The following GPC6 variants were observed in gnomAD, a reference collection of about 807,000 sequenced individuals.
GPC6 encodes the protein glypican-6.
In GPC6, 14 loss-of-function variants were observed where a neutral mutation model predicts 55.2. The ratio of observed to expected loss-of-function variants is 0.25; its 90% confidence interval spans 0.17 to 0.40. The LOEUF (loss-of-function observed/expected upper bound fraction) is 0.40, where lower values mean the gene tolerates loss of function less well. Among genes scored for constraint, GPC6 ranks in the 10% least tolerant of loss-of-function variants. The pLI is 1.00. For missense variants in GPC6, 641 were observed against 708.5 expected, an observed-to-expected ratio of 0.90 and a Z score of 1.08; for synonymous variants, 278 against 259.6, an observed-to-expected ratio of 1.07 and a Z score of -0.68.
In GPC6 at chr13:94,090,179, G is replaced by A. The variant is rs533550480; in HGVS notation, c.877+62285G>A. 2.2e-3 allele frequency among the ~76,000 whole-genome samples: 335 copies of A among 152,210 alleles called. 1 individual carries two copies. The highest frequency in any genetic ancestry group is 3.3e-3 in the Non-Finnish European group (223 of 68,006). Reference sequence around the variant, plus strand: ...GGAGCAAAGGCATGTCTTACATAGTGGCAGGCAAGAGAATGTGTGCAGGGG... The same window carrying A: ...GGAGCAAAGGCATGTCTTACATAGTAGCAGGCAAGAGAATGTGTGCAGGGG... On this transcript the variant is annotated intron_variant, in intron 4 of 8. Coordinates refer to ENST00000377047, the MANE Select transcript of GPC6 (RefSeq NM_005708.5).
intron 4 of GPC6, among the ~76,000 whole-genome samples, chr13:94,214,719 A>G (rs1159713322): frequency 2.6e-5 from 4 of 152,210 alleles, no homozygotes; most frequent in Non-Finnish European, 4.4e-5. Context: ...TTGAATATAT[A>G]AACAACCACT....
chr13:94,081,119 G>T (rs1338732665), intron 4 of GPC6, among the ~76,000 whole-genome samples: 1 of 152,080 alleles, frequency 6.6e-6, no homozygotes, highest in Non-Finnish European at 1.5e-5. Context: ...TCAAGCAATA[G>T]GCTTATCACC....
chr13:93,362,380 A>G (rs1299561294), intron 1 of GPC6, among the ~76,000 whole-genome samples: 1 of 152,158 alleles, frequency 6.6e-6, no homozygotes, highest in Non-Finnish European at 1.5e-5. Flanking sequence ...ATTAGTACCC[A>G]TAAAGACATT....
chr13:93,419,390 G>C (rs1459446782), intron 1 of GPC6, among the ~76,000 whole-genome samples: 1 of 151,646 alleles, frequency 6.6e-6, no homozygotes, highest in Non-Finnish European at 1.5e-5. Flanking sequence ...TCCTTATATC[G>C]GTAATGTTTG....
chr13:94,028,532 C>T (rs1049772583), intron 4 of GPC6, among the ~76,000 whole-genome samples: 2 of 151,444 alleles, frequency 1.3e-5, no homozygotes, highest in Admixed American at 6.6e-5. Flanking sequence ...GTCCACTGTA[C>T]TATTTCTTTT....
intron 3 of GPC6, among the ~76,000 whole-genome samples, chr13:93,899,630 G>A (rs1052628747): frequency 4.6e-5 from 7 of 152,004 alleles, no homozygotes; most frequent in African/African-American, 1.7e-4. Flanking sequence ...TTTGGAAAGG[G>A]AAATGGTTGG....
chr13:93,372,302 T>C (rs1874692598), intron 1 of GPC6, among the ~76,000 whole-genome samples: 1 of 116,034 alleles, frequency 8.6e-6, no homozygotes, highest in Non-Finnish European at 1.9e-5. Context: ...AGATGGCTTA[T>C]TGGCTATGAG....
At chr13:93,273,627 C>T (rs1231947859) in intron 1 of GPC6, among the ~76,000 whole-genome samples, 1 of 152,014 alleles carries the variant, frequency 6.6e-6, no homozygotes, top group Non-Finnish European at 1.5e-5. Flanking sequence ...CACTGCACTC[C>T]AGCCTGGGCG....
chr13:94,076,475 C>G (rs978949874), intron 4 of GPC6, among the ~76,000 whole-genome samples: 3 of 151,912 alleles, frequency 2.0e-5, no homozygotes, highest in Non-Finnish European at 2.9e-5. Context: ...TGCACAGGAA[C>G]TTTTAGTTTG....
chr13:94,182,209 T>C (rs893762374), intron 4 of GPC6, among the ~76,000 whole-genome samples: 6 of 152,134 alleles, frequency 3.9e-5, no homozygotes, highest in African/African-American at 7.2e-5. Context: ...AGATTTTTTT[T>C]TTTTTAAAGA....
intron 7 of GPC6, among the ~76,000 whole-genome samples, chr13:94,387,783 C>CAAG (rs3044334): frequency 0.67 from 101,245 of 150,266 alleles, 34,772 homozygotes; most frequent in African/African-American, 0.8. Flanking sequence ...GAGGACACAA[C>CAAG]AAGGCAGCCA....
chr13:94,114,383 A>G (rs1359151165), intron 4 of GPC6, among the ~76,000 whole-genome samples: 1 of 152,120 alleles, frequency 6.6e-6, no homozygotes, highest in Non-Finnish European at 1.5e-5. Flanking sequence ...ATTTGGTCAG[A>G]CTGGTAGGAG....
At chr13:93,476,674 A>G (rs1478507319) in intron 1 of GPC6, among the ~76,000 whole-genome samples, 2 of 152,042 alleles carry the variant, frequency 1.3e-5, no homozygotes, top group Non-Finnish European at 2.9e-5. Flanking sequence ...AGTAGAAGTA[A>G]TTTTTCAAGG....
At chr13:93,231,346 C>CATATATATACGT (rs1876011278) in intron 1 of GPC6, among the ~76,000 whole-genome samples, 1 of 24,174 alleles carries the variant, frequency 4.1e-5, no homozygotes, top group African/African-American at 1.7e-4. Context: ...TATATATATA[C>CATATATATACGT]ATATATATAT....
chr13:93,281,674 A>G (rs1594071259), intron 1 of GPC6, among the ~76,000 whole-genome samples: 1 of 152,136 alleles, frequency 6.6e-6, no homozygotes, highest in East Asian at 1.9e-4. Flanking sequence ...AAAATTAGCC[A>G]AGCATGGTGG....
intron 4 of GPC6, among the ~76,000 whole-genome samples, chr13:94,124,164 A>G (rs1886729559): frequency 6.6e-6 from 1 of 152,092 alleles, no homozygotes; most frequent in Non-Finnish European, 1.5e-5. Context: ...TTCCAAGTCC[A>G]TGGGTTTATT....
intron 3 of GPC6, among the ~76,000 whole-genome samples, chr13:93,947,198 G>T (rs1393471554): frequency 6.6e-6 from 1 of 152,206 alleles, no homozygotes; most frequent in Non-Finnish European, 1.5e-5. Context: ...GTGCAGGGTT[G>T]CCTGCTGGAT....
chr13:93,721,014 G>A (rs2138822737), intron 2 of GPC6, among the ~76,000 whole-genome samples: 1 of 152,116 alleles, frequency 6.6e-6, no homozygotes, highest in South Asian at 2.1e-4. Flanking sequence ...AGTGCTATGT[G>A]ATGCTAAGAA....
chr13:93,231,408 T>TATATAC (rs1555336160), intron 1 of GPC6, among the ~76,000 whole-genome samples: 1 of 43,194 alleles, frequency 2.3e-5, no homozygotes, highest in Non-Finnish European at 4.2e-5. Context: ...TATATATATA[T>TATATAC]ATATATATAT....
Sources: allele counts gnomAD v4.1 joint callset (sites outside exome capture counted in the v4.1 genomes callset), GRCh38; gene constraint gnomAD v4.1.1; transcripts MANE v1.5; gene names NCBI Gene and HGNC (gene_info 2026-07-23, HGNC 2026-07-21).